STEAP3: variants seen among roughly 807,000 people sequenced by gnomAD.
STEAP3 encodes STEAP3 metalloreductase.
STEAP3 carries 35 observed loss-of-function variants against 34.9 expected under a neutral mutation model. That is an observed-to-expected ratio of 1.00 (90% CI 0.76 to 1.33). The LOEUF is 1.33. STEAP3 is among the 40% of genes most tolerant of loss of function. The pLI is 0.00. For missense variants in STEAP3, 652 were observed against 667.6 expected, an observed-to-expected ratio of 0.98 and a Z score of 0.26; for synonymous variants, 281 against 301.6, an observed-to-expected ratio of 0.93 and a Z score of 0.71.
intron 4 of STEAP3, 64 bp downstream of exon 4, chr2:119,248,270 C>CA: frequency 1.3e-6 from 2 of 1,494,438 alleles, no homozygotes; most frequent in Middle Eastern, 1.8e-4. Flanking sequence ...CACCTCCCCC[C>CA]CCCACCAACC....
In STEAP3 at chr2:119,245,695, C is replaced by T. The variant is rs1468059240; in HGVS notation, c.229C>T (p.Leu77=). 1.2e-6 allele frequency: 2 copies of T among 1,614,126 alleles called. No homozygotes were observed. The highest frequency in any genetic ancestry group is 1.7e-6 in the Non-Finnish European group (2 of 1,179,976). ...CCGCAACCCCAAACGCACAGCCAGG[C>T]TGTTTCCCTCAGCGGCCCAAGTGAC... The part of the protein sequence containing the change: ...GSRNPKRTAR[L]FPSAAQVTFQ... The change falls in exon 3 of 6, where the codon CTG becomes TTG. Residue 77 remains leucine, a synonymous_variant. Coordinates refer to ENST00000393110, the MANE Select transcript of STEAP3 (RefSeq NM_182915.3).
intron 4 of STEAP3, among the ~76,000 whole-genome samples, chr2:119,253,893 G>T (rs970664500): frequency 6.6e-6 from 1 of 152,176 alleles, no homozygotes; most frequent in Non-Finnish European, 1.5e-5. Context: ...CCAGGGCCTG[G>T]CACACAGTAG....
intron 4 of STEAP3, among the ~76,000 whole-genome samples, chr2:119,249,762 G>A (rs966606678): frequency 7.9e-5 from 12 of 152,144 alleles, no homozygotes; most frequent in South Asian, 4.1e-4. Flanking sequence ...GACTGCCCTC[G>A]TCCTTTGCCA....
chr2:119,248,242 C>CA (rs1558752952), intron 4 of STEAP3, 36 bp downstream of exon 4: 4 of 1,538,846 alleles, frequency 2.6e-6, no homozygotes, highest in Non-Finnish European at 3.5e-6. Context: ...TCTGGCAACT[C>CA]AGCACATGCT....
chr2:119,237,802 T>C (rs1214709414), intron 2 of STEAP3, among the ~76,000 whole-genome samples: 1 of 152,196 alleles, frequency 6.6e-6, no homozygotes, highest in East Asian at 1.9e-4. Context: ...AAATGGTGAG[T>C]TGCATGGTGT....
chr2:119,258,950 T>C (rs1312062691), intron 5 of STEAP3, among the ~76,000 whole-genome samples: 3 of 150,430 alleles, frequency 2.0e-5, no homozygotes, highest in African/African-American at 7.4e-5. Context: ...GTTATTGTTT[T>C]GGTTTGGTTT....
intron 2 of STEAP3, chr2:119,244,699 A>G (rs1677353836): frequency 6.6e-6 from 1 of 152,172 alleles, no homozygotes; most frequent in Admixed American, 6.5e-5. Context: ...GTGACAATTA[A>G]TATATAATAA....
At chr2:119,230,353 G>A (rs1676879297) in intron 1 of STEAP3, among the ~76,000 whole-genome samples, 1 of 151,742 alleles carries the variant, frequency 6.6e-6, no homozygotes, top group Non-Finnish European at 1.5e-5. Context: ...ATCTGTTTGT[G>A]GGTCTGTCTG....
At chr2:119,239,660 C>T (rs563759205) in intron 2 of STEAP3, among the ~76,000 whole-genome samples, 60 of 152,286 alleles carry the variant, frequency 3.9e-4, no homozygotes, top group African/African-American at 1.4e-3. Flanking sequence ...GGCTCACTCT[C>T]AATTCGTCAA....
Position 119,247,879 on chromosome 2 carries a change from C to T in STEAP3, c.723C>T (p.Phe241=), listed in dbSNP as rs267598851. The T allele has an allele frequency of 4.6e-5, 75 of 1,613,866 alleles. No individual in the cohort carries two copies. The South Asian group carries it at 6.9e-4, about 15-fold the overall frequency. The change falls in exon 4 of 6, where the codon TTC becomes TTT. Residue 241 remains phenylalanine (F), a synonymous_variant. Coordinates refer to ENST00000393110, the MANE Select transcript of STEAP3 (RefSeq NM_182915.3). ...TCGTCTGCTTCTATGCCTACAACTTCGTCCGGGACGTTCTGCAGCCCTATG... is the reference window on the plus strand; with the variant it reads ...TCGTCTGCTTCTATGCCTACAACTTTGTCCGGGACGTTCTGCAGCCCTATG... ...GLFVCFYAYN[F]VRDVLQPYVQ... is the part of the protein sequence containing the mutation.
intron 1 of STEAP3, among the ~76,000 whole-genome samples, chr2:119,226,584 C>G (rs542459579): frequency 1.3e-5 from 2 of 152,032 alleles, no homozygotes; most frequent in East Asian, 3.9e-4. Context: ...GGGCAGGGAT[C>G]GGGGTTGGAG....
rs1287635848 is a variant in STEAP3, at chr2:119,230,713, C to G, written c.-300C>G. The G allele has an allele frequency of 3.9e-6, 2 of 507,946 alleles. No homozygotes were observed. Among genetic ancestry groups the G allele is most frequent in the East Asian group, 6.5e-5 (2 of 30,834 alleles). The allele number at this position is 507,946 out of a possible 1,614,324, so 31.5% of individuals were successfully genotyped here. ...GACTTGAGTCTGAGCCACTAATTAT[C>G]ACCCGTGAGGTTTCCTCCCCGAGCA... On this transcript the variant is annotated 5_prime_UTR_variant, in exon 2 of 6. In the 5' UTR this introduces an upstream ATG that the reference lacks. Coordinates refer to ENST00000393110, the MANE Select transcript of STEAP3 (RefSeq NM_182915.3).
In STEAP3 at chr2:119,254,406, C is replaced by G. The variant is rs190278860; in HGVS notation, c.1051-278C>G. ...CAGGCTGAGTGGGTCCTGATCCCAG[C>G]TCTGCATCTGTTAGCTACATGTGAC... On this transcript the variant is annotated intron_variant, in intron 4 of 5. Transcript: ENST00000393110. Among the ~76,000 whole-genome samples, 921 of 152,264 alleles carry G rather than the reference C, an allele frequency of 6.0e-3. 22 individuals carry two copies. The highest frequency in any genetic ancestry group is 5.9e-3 in the Non-Finnish European group (400 of 68,016).
intron 5 of STEAP3, among the ~76,000 whole-genome samples, chr2:119,261,571 A>C (rs1351137432): frequency 1.3e-5 from 2 of 152,052 alleles, no homozygotes; most frequent in Non-Finnish European, 2.9e-5. Flanking sequence ...TGCCCTGTCT[A>C]GGGGACTAGA....
chr2:119,262,662 G>A lies in STEAP3; in HGVS notation c.1216-395G>A, dbSNP rs545502186. ...CAAAGTGTTGGGATTACAGGCGAGAGCCACCGCAGCAGGCCTTAAATGTTT... is the reference window on the plus strand; with the variant it reads ...CAAAGTGTTGGGATTACAGGCGAGAACCACCGCAGCAGGCCTTAAATGTTT... On this transcript the variant is annotated intron_variant, in intron 5 of 5. Transcript: ENST00000393110. Among the ~76,000 whole-genome samples, 128 of 152,312 alleles carry A rather than the reference G, an allele frequency of 8.4e-4. No homozygotes were observed. In the Middle Eastern group the frequency reaches 0.014, roughly 16 times the overall value.
intron 5 of STEAP3, 128 bp downstream of exon 5, chr2:119,254,976 GC>G: frequency 3.3e-6 from 4 of 1,227,576 alleles, no homozygotes; most frequent in East Asian, 5.1e-5. Flanking sequence ...TCGGTGAGAT[GC>G]CAGGCCTTCC....
At chr2:119,231,496 T>G (rs1411111232) in intron 2 of STEAP3, among the ~76,000 whole-genome samples, 1 of 152,196 alleles carries the variant, frequency 6.6e-6, no homozygotes, top group Admixed American at 6.5e-5. Context: ...GAACTGCTGC[T>G]GCAAGTAAAT....
chr2:119,242,839 G>A (rs920485672), intron 2 of STEAP3, among the ~76,000 whole-genome samples: 2 of 152,180 alleles, frequency 1.3e-5, no homozygotes, highest in Admixed American at 6.5e-5. Context: ...GAATCCAGGC[G>A]GACTGGCTCC....
intron 1 of STEAP3, among the ~76,000 whole-genome samples, chr2:119,224,654 C>T (rs1257949103): frequency 6.6e-6 from 1 of 152,178 alleles, no homozygotes; most frequent in African/African-American, 2.4e-5. Flanking sequence ...CGCTGGAGCC[C>T]TGGCAGAGGG....
Sources: allele counts gnomAD v4.1 joint callset (sites outside exome capture counted in the v4.1 genomes callset), GRCh38; gene constraint gnomAD v4.1.1; transcripts MANE v1.5; gene names NCBI Gene and HGNC (gene_info 2026-07-23, HGNC 2026-07-21).